OBI1: variants seen among roughly 807,000 people sequenced by gnomAD.
OBI1 encodes the protein ORC ubiquitin ligase 1, also known as ring finger protein 219.
Under a neutral mutation model 62.4 loss-of-function variants are expected in OBI1, and 59 were observed. The ratio of observed to expected loss-of-function variants is 0.95; its 90% CI spans 0.77 to 1.17. OBI1 has a LOEUF of 1.17. Among genes scored for constraint, OBI1 ranks in the 50% most tolerant of loss-of-function variants. The pLI is 0.00. For missense variants in OBI1, 875 were observed against 830.9 expected (o/e 1.05, Z -0.65); for synonymous variants, 302 against 292.8 (o/e 1.03, Z -0.32).
In OBI1 at chr13:78,644,747, T is replaced by C. The variant is rs138407979; in HGVS notation, c.208+115A>G. 355 of 1,141,692 alleles carry C rather than the reference T, an allele frequency of 3.1e-4. 1 individual carries two copies. In the African/African-American group the frequency reaches 5.0e-3, roughly 16 times the overall value. The allele number at this position is 1,141,692 out of a possible 1,614,324, so 70.7% of individuals were successfully genotyped here. A position where few individuals can be genotyped will look rare whatever the true frequency, so the allele number is the denominator to read the frequency against. Reference sequence around the variant, plus strand: ...ACACAAATTACTCAACCACTCAGTATTATGTTGGCCAAATAGCATCACTGA... The same window carrying C: ...ACACAAATTACTCAACCACTCAGTACTATGTTGGCCAAATAGCATCACTGA... On this transcript the variant is annotated intron_variant, in intron 2 of 5. Coordinates refer to ENST00000282003, the MANE Select transcript of OBI1 (RefSeq NM_024546.4).
At chr13:78,640,073 A>G (rs1210562571) in intron 3 of OBI1, among the ~76,000 whole-genome samples, 1 of 152,200 alleles carries the variant, frequency 6.6e-6, no homozygotes, top group Non-Finnish European at 1.5e-5. Flanking sequence ...GAAAAGTCAC[A>G]TGAATTCCAA....
chr13:78,647,196 G>A (rs757239162), intron 1 of OBI1, among the ~76,000 whole-genome samples: 17 of 152,226 alleles, frequency 1.1e-4, no homozygotes, highest in African/African-American at 2.9e-4. Flanking sequence ...AGATCTGACC[G>A]TCCCCCAGCC....
At chr13:78,642,681 G>A (rs183696009) in intron 2 of OBI1, among the ~76,000 whole-genome samples, 1 of 152,270 alleles carries the variant, frequency 6.6e-6, no homozygotes, top group East Asian at 1.9e-4. Flanking sequence ...CCAGGAGATA[G>A]AGACCATCCT....
chr13:78,621,496 A>T (rs1875511923), intron 5 of OBI1, among the ~76,000 whole-genome samples: 1 of 152,200 alleles, frequency 6.6e-6, no homozygotes, highest in African/African-American at 2.4e-5. Context: ...CCCAGTAAAA[A>T]ACCCGCATGA....
chr13:78,638,297 C>T (rs1876088358), intron 4 of OBI1, among the ~76,000 whole-genome samples: 1 of 152,156 alleles, frequency 6.6e-6, no homozygotes, highest in African/African-American at 2.4e-5. Flanking sequence ...TAAATCACAA[C>T]ATTCTTTTGC....
intron 5 of OBI1, chr13:78,620,484 A>C (rs1479549237): frequency 3.4e-5 from 12 of 349,582 alleles, no homozygotes; most frequent in Non-Finnish European, 5.0e-5. Context: ...CAAAGGCTTC[A>C]TTGTGCCAGA....
At chr13:78,617,544 AGT>A (rs1566274796) in intron 5 of OBI1, among the ~76,000 whole-genome samples, 1 of 152,248 alleles carries the variant, frequency 6.6e-6, no homozygotes, top group Non-Finnish European at 1.5e-5. Flanking sequence ...ATCATACAGC[AGT>A]GTTTTACAAT....
chr13:78,647,099 C>T (rs1374484085), intron 1 of OBI1, among the ~76,000 whole-genome samples: 1 of 152,208 alleles, frequency 6.6e-6, no homozygotes, highest in Non-Finnish European at 1.5e-5. Flanking sequence ...GGCGGAAAGC[C>T]GCAGGGACCT....
chr13:78,620,290 A>G (rs1008017293), intron 5 of OBI1, among the ~76,000 whole-genome samples: 1 of 152,228 alleles, frequency 6.6e-6, no homozygotes, highest in African/African-American at 2.4e-5. Context: ...TTTTGTATTC[A>G]CACTAATTCT....
intron 5 of OBI1, among the ~76,000 whole-genome samples, chr13:78,623,845 T>C (rs371490538): frequency 2.0e-5 from 3 of 152,306 alleles, no homozygotes; most frequent in African/African-American, 4.8e-5. Flanking sequence ...ACCACCACCA[T>C]ATTTTAGGCA....
At chr13:78,624,486 A>G (rs1465512200) in intron 5 of OBI1, among the ~76,000 whole-genome samples, 1 of 152,110 alleles carries the variant, frequency 6.6e-6, no homozygotes, top group Non-Finnish European at 1.5e-5. Flanking sequence ...TTGAGACAGG[A>G]TCTCATCCTG....
At chr13:78,653,082 T>C (rs1171443883) in intron 1 of OBI1, among the ~76,000 whole-genome samples, 1 of 152,204 alleles carries the variant, frequency 6.6e-6, no homozygotes, top group Admixed American at 6.5e-5. Context: ...GCAAGTATAC[T>C]TGGGCAGAGA....
At position 78,620,094 on chromosome 13, in the gene OBI1, A is replaced by G. The variant is rs144926311; in HGVS notation, c.639-2972T>C. On this transcript the variant is annotated intron_variant, in intron 5 of 5. Coordinates refer to ENST00000282003, the MANE Select transcript of OBI1 (RefSeq NM_024546.4). Reference sequence around the variant, plus strand: ...CCACCCCAAAAAACTTCACCTTAGTAAGACTGCAAATAGATGAGACTTTTG... The same window carrying G: ...CCACCCCAAAAAACTTCACCTTAGTGAGACTGCAAATAGATGAGACTTTTG... Among the ~76,000 whole-genome samples, 15 of 152,324 alleles carry G rather than the reference A, an allele frequency of 9.8e-5. No homozygotes were observed. In the East Asian group the frequency reaches 2.7e-3, roughly 27 times the overall value.
chr13:78,628,784 A>G (rs559653291), intron 5 of OBI1, among the ~76,000 whole-genome samples: 1 of 150,334 alleles, frequency 6.7e-6, no homozygotes, highest in South Asian at 2.1e-4. Flanking sequence ...TGAATCCAGG[A>G]AGTCTGATTC....
At position 78,617,033 on chromosome 13, in the gene OBI1, C is replaced by G. The variant is rs1875327724; in HGVS notation, c.728G>C (p.Ser243Thr). ...TTCTAGTTCCTCTATATACTTATCA[C>G]TTCGTTCCAGGGCTTTCTTGAGGCG... The part of the protein sequence containing the change: ...TNRLKKALER[S>T]DKYIEELESQ... The change falls in exon 6 of 6, where the codon AGT (serine) becomes ACT (threonine). Residue 243 changes from serine (S) to threonine (T), a missense_variant. By Grantham distance (58) the Ser-to-Thr change is moderately conservative. Transcript: ENST00000282003. 6.2e-7 allele frequency: 1 copy of G among 1,614,002 alleles called. No homozygotes were observed.
chr13:78,614,896 T>C lies in OBI1; in HGVS notation c.*684A>G, dbSNP rs1875199022. ...AAAACAAATGTCTTCATATAGAAAA[T>C]GTTTTCTTTCATACTAGCAGAACAT... On this transcript the variant is annotated 3_prime_UTR_variant, in exon 6 of 6. Transcript: ENST00000282003. 6.6e-6 allele frequency: 1 copy of C among 152,106 alleles called. No homozygotes were observed. Among genetic ancestry groups the C allele is most frequent in the Non-Finnish European group, 1.5e-5 (1 of 68,014 alleles). The allele number at this position is 152,106 out of a possible 1,614,324, so 9.4% of individuals were successfully genotyped here. A position where few individuals can be genotyped will look rare whatever the true frequency, so the allele number is the denominator to read the frequency against.
At chr13:78,642,079 G>A (rs1215881075) in intron 3 of OBI1, 43 bp downstream of exon 3, 4 of 1,202,150 alleles carry the variant, frequency 3.3e-6, no homozygotes, top group Non-Finnish European at 3.7e-6. Flanking sequence ...TTTTTACCTT[G>A]AATTCACTGC....
In OBI1 at chr13:78,635,213, T is replaced by A. The variant is rs75045720; in HGVS notation, c.550-15A>T. The A allele has an allele frequency of 1.4e-5, 20 of 1,457,520 alleles. No homozygotes were observed. The highest frequency in any genetic ancestry group is 1.8e-5 in the Non-Finnish European group (19 of 1,044,272). 90.3% of individuals were successfully genotyped at this position (1,457,520 alleles called of 1,614,324 possible). ...TTTTTATTTGCCTAAAATAACAAATTGAAAATAAGTAAGCAAAAGCTACAA... is the reference window on the plus strand; with the variant it reads ...TTTTTATTTGCCTAAAATAACAAATAGAAAATAAGTAAGCAAAAGCTACAA... On this transcript the variant is annotated splice_polypyrimidine_tract_variant and intron_variant, in intron 4 of 5. Transcript: ENST00000282003.
At chr13:78,654,604 T>C (rs79118758) in intron 1 of OBI1, among the ~76,000 whole-genome samples, 3 of 152,334 alleles carry the variant, frequency 2.0e-5, no homozygotes, top group East Asian at 3.9e-4. Flanking sequence ...TTTTCAATAT[T>C]TTAAATAAAC....
Sources: gnomAD v4.1 joint callset for allele counts (sites outside exome capture counted in the v4.1 genomes callset) on GRCh38, gnomAD v4.1.1 for gene constraint, MANE v1.5 for transcripts, NCBI Gene and HGNC (gene_info 2026-07-23, HGNC 2026-07-21) for gene names.